Variants in PCDHGA11 observed in about 807,000 individuals in gnomAD.
PCDHGA11 encodes protocadherin gamma-A11.
A neutral mutation model predicts 60.4 loss-of-function variants in PCDHGA11; 39 were observed. The ratio of observed to expected loss-of-function variants is 0.65; its 90% CI spans 0.50 to 0.84. The LOEUF is 0.84. Among genes scored for constraint, PCDHGA11 ranks in the 40% least tolerant of loss-of-function variants. PCDHGA11 has a pLI of 0.00. For synonymous variants in PCDHGA11, 533 were observed against 510.3 expected (o/e 1.04, Z -0.60); for missense variants, 1,165 against 1,197.7 (o/e 0.97, Z 0.40).
chr5:141,489,335 G>T lies in PCDHGA11; in HGVS notation c.2434-5472G>T. On this transcript the variant is annotated intron_variant, in intron 1 of 3. Transcript: ENST00000398587. This position sits in a 1 kb window ranked among gnomAD's most constrained non-coding sequence, Gnocchi z 4.5. ...TGGGGCTGGGTGTCTGGGCAGCTTC[G>T]TTACTCAGTGGTGGAGGAGTCTGAG... 1.2e-6 allele frequency: 2 copies of T among 1,607,364 alleles called. No individual in the cohort carries two copies. The highest frequency in any genetic ancestry group is 1.7e-6 in the Non-Finnish European group (2 of 1,175,842).
At chr5:141,439,547 T>C (rs2098120171) in intron 1 of PCDHGA11, among the ~76,000 whole-genome samples, 2 of 152,180 alleles carry the variant, frequency 1.3e-5, no homozygotes, top group Non-Finnish European at 2.9e-5. Context: ...CTCTCATTTC[T>C]TCAGGCTGCA....
Position 141,491,094 on chromosome 5 carries a change from G to C in PCDHGA11, c.2434-3713G>C, listed in dbSNP as rs1240705650. The C allele has an allele frequency of 1.9e-6, 3 of 1,614,202 alleles. No homozygotes were observed. Among genetic ancestry groups the C allele is most frequent in the Non-Finnish European group, 2.5e-6 (3 of 1,180,030 alleles). On this transcript the variant is annotated intron_variant, in intron 1 of 3. Coordinates refer to ENST00000398587, the MANE Select transcript of PCDHGA11 (RefSeq NM_018914.3). The surrounding 1 kb of genome is among the most constrained non-coding windows in gnomAD (Gnocchi z 6.9). The stretch of plus-strand genomic sequence containing the variant: ...TGCCACAGTCCACAGCCCCAGGACT[G>C]TTCCTCGTGTCTACACACACTGGTG...
chr5:141,471,444 A>T (rs1366430114), intron 1 of PCDHGA11: 1 of 152,150 alleles, frequency 6.6e-6, no homozygotes, highest in Non-Finnish European at 1.5e-5. Flanking sequence ...AATCTCATGT[A>T]CCTTTTGAAA....
chr5:141,500,498 C>T (rs1487770160), intron 2 of PCDHGA11, among the ~76,000 whole-genome samples: 5 of 152,120 alleles, frequency 3.3e-5, no homozygotes, highest in African/African-American at 7.2e-5. Context: ...CGTGAGCCAC[C>T]GCGCCTGGCC....
In PCDHGA11 at chr5:141,477,446, C is replaced by A; in HGVS notation, c.2434-17361C>A. 1 of 1,614,196 alleles carries A rather than the reference C, an allele frequency of 6.2e-7. No homozygotes were observed. The highest frequency in any genetic ancestry group is 8.5e-7 in the Non-Finnish European group (1 of 1,180,022). The stretch of plus-strand genomic sequence containing the variant: ...TTCCCTCTCAGCCCTTACAATAGTG[C>A]GTGTTCAAGTGTCCGACATCAATGA... On this transcript the variant is annotated intron_variant, in intron 1 of 3. Transcript: ENST00000398587. The surrounding 1 kb of genome is among the most constrained non-coding windows in gnomAD (Gnocchi z 4.9).
rs1187072972 is a variant in PCDHGA11 at position 141,487,553 on chromosome 5, C to T, written c.2434-7254C>T. 4 of 1,614,050 alleles carry T rather than the reference C, an allele frequency of 2.5e-6. No individual in the cohort carries two copies. The African/African-American group carries it at 4.0e-5, about 16-fold the overall frequency. On this transcript the variant is annotated intron_variant, in intron 1 of 3. Coordinates refer to ENST00000398587, the MANE Select transcript of PCDHGA11 (RefSeq NM_018914.3). The surrounding 1 kb of genome is among the most constrained non-coding windows in gnomAD (Gnocchi z 5.0). ...CATGATGGTGAAGTCACCCAGTGCA[C>T]CTATGGCAGGGGAGCCTGTTCGCCC...
In PCDHGA11 at chr5:141,477,595, T is replaced by C. The variant is rs1289890776; in HGVS notation, c.2434-17212T>C. The C allele has an allele frequency of 6.2e-7, 1 of 1,614,176 alleles. No individual in the cohort carries two copies. Among genetic ancestry groups the C allele is most frequent in the Non-Finnish European group, 8.5e-7 (1 of 1,180,032 alleles). ...ACGCCCCGCAGAATGCTCGGCTTTC[T>C]TTCTTTCTCTTGGAGCAAGGAGCTG... On this transcript the variant is annotated intron_variant, in intron 1 of 3. Coordinates refer to ENST00000398587, the MANE Select transcript of PCDHGA11 (RefSeq NM_018914.3). This position sits in a 1 kb window ranked among gnomAD's most constrained non-coding sequence, Gnocchi z 4.9.
intron 1 of PCDHGA11, among the ~76,000 whole-genome samples, chr5:141,436,604 G>A (rs2097836057): frequency 6.6e-6 from 1 of 152,146 alleles, no homozygotes; most frequent in Admixed American, 6.5e-5. Context: ...GTGATGGCTA[G>A]GGCTAACAAA....
intron 3 of PCDHGA11, among the ~76,000 whole-genome samples, chr5:141,509,781 T>TCATC (rs1198131164): frequency 6.6e-6 from 1 of 152,116 alleles, no homozygotes; most frequent in Non-Finnish European, 1.5e-5. Flanking sequence ...GTCCCCGAGA[T>TCATC]CATCATCTCC....
chr5:141,433,357 G>GCCTA, intron 1 of PCDHGA11: 1 of 569,056 alleles, frequency 1.8e-6, no homozygotes, highest in Non-Finnish European at 3.1e-6. Context: ...CCTACTGTCT[G>GCCTA]CCTATCTATC....
intron 1 of PCDHGA11, among the ~76,000 whole-genome samples, chr5:141,468,131 C>A (rs1006565854): frequency 1.3e-5 from 2 of 151,650 alleles, no homozygotes; most frequent in South Asian, 4.2e-4. Context: ...TTGAGACCAG[C>A]CTGGCCAACA....
chr5:141,510,553 A>C (rs1471878583), intron 3 of PCDHGA11, among the ~76,000 whole-genome samples: 1 of 152,162 alleles, frequency 6.6e-6, no homozygotes, highest in African/African-American at 2.4e-5. Context: ...TGTTTTGAGC[A>C]CTTACATCTA....
chr5:141,505,486 G>A lies in PCDHGA11; in HGVS notation c.2581+5G>A, dbSNP rs1291166546. The A allele has an allele frequency of 1.8e-5, 29 of 1,614,088 alleles. No homozygotes were observed. The highest frequency in any genetic ancestry group is 2.1e-5 in the Non-Finnish European group (25 of 1,180,018). On this transcript the variant is annotated splice_donor_5th_base_variant and intron_variant, in intron 3 of 3. Transcript: ENST00000398587. ...TGATCTTGGCGTCCGCCAGTGGTAA[G>A]TGGTGTCAGTGTGTGTATGGAAGAG...
intron 1 of PCDHGA11, among the ~76,000 whole-genome samples, chr5:141,484,730 G>T (rs1231473842): frequency 6.6e-6 from 1 of 151,728 alleles, no homozygotes; most frequent in Non-Finnish European, 1.5e-5. Context: ...GGGGTCAGTC[G>T]GTGTGTTAGG....
chr5:141,482,890 G>C (rs577635020), intron 1 of PCDHGA11, among the ~76,000 whole-genome samples: 10 of 152,274 alleles, frequency 6.6e-5, no homozygotes, highest in African/African-American at 2.4e-4. Flanking sequence ...TGGCCAACAT[G>C]GTGAAACCTC....
intron 1 of PCDHGA11, chr5:141,428,826 A>G (rs190740602): frequency 1.3e-5 from 2 of 149,304 alleles, no homozygotes; most frequent in South Asian, 2.1e-4. Context: ...GCTTTCATGT[A>G]TTTTTGAAAC....
chr5:141,431,296 C>T lies in PCDHGA11; in HGVS notation c.2433+7636C>T, dbSNP rs2097358592. On this transcript the variant is annotated intron_variant, in intron 1 of 3. Transcript: ENST00000398587. The surrounding 1 kb of genome is among the most constrained non-coding windows in gnomAD (Gnocchi z 4.8). ...AGCTCAGCCCGAACACTCACTTCTC[C>T]CTCATCGTGCAAAATGGAGCCGACG... The T allele has an allele frequency of 1.9e-6, 3 of 1,614,018 alleles. No individual in the cohort carries two copies. Among genetic ancestry groups the T allele is most frequent in the Non-Finnish European group, 2.5e-6 (3 of 1,180,048 alleles).
intron 1 of PCDHGA11, among the ~76,000 whole-genome samples, chr5:141,443,859 GAA>G (rs2098408229): frequency 6.6e-6 from 1 of 152,104 alleles, no homozygotes; most frequent in Non-Finnish European, 1.5e-5. Context: ...TCTGAAAACT[GAA>G]AAAATTACTG....
At chr5:141,446,831 T>C (rs1237079019) in intron 1 of PCDHGA11, among the ~76,000 whole-genome samples, 2 of 152,186 alleles carry the variant, frequency 1.3e-5, no homozygotes, top group East Asian at 3.9e-4. Context: ...TAGATCCTTA[T>C]AAGGCTGAGC....
Sources: allele counts gnomAD v4.1 joint callset (sites outside exome capture counted in the v4.1 genomes callset), GRCh38; gene constraint gnomAD v4.1.1; non-coding constraint Gnocchi (gnomAD v3.1); transcripts MANE v1.5; gene names NCBI Gene and HGNC (gene_info 2026-07-23, HGNC 2026-07-21).